The following ANK2 variants were observed in gnomAD, a reference collection of about 807,000 sequenced individuals.
ANK2 encodes ankyrin-2.
Under a neutral mutation model 360.5 loss-of-function variants are expected in ANK2, and 83 were observed. The ratio of observed to expected loss-of-function variants is 0.23; its 90% CI spans 0.19 to 0.28. ANK2 has a LOEUF of 0.28. Ranked by LOEUF, ANK2 falls within the 10% of genes least tolerant of loss-of-function variation. The probability of loss-of-function intolerance (pLI) is 1.00; values close to 1 mark genes in which losing one functional copy is unlikely to be tolerated. For synonymous variants in ANK2, 1,740 were observed against 1,759.5 expected (o/e 0.99, Z 0.28); for missense variants, 4,201 against 4,795.7 (o/e 0.88, Z 3.66).
chr4:113,213,957 T>TA (rs1554280408), intron 4 of ANK2: 11,946 of 473,080 alleles, frequency 0.025, 1,017 homozygotes, highest in South Asian at 0.036. Flanking sequence ...TTTTATTTAT[T>TA]TTTTTTTTTT....
At chr4:113,012,543 C>T (rs749749896) in intron 2 of ANK2, among the ~76,000 whole-genome samples, 4 of 152,120 alleles carry the variant, frequency 2.6e-5, no homozygotes, top group Non-Finnish European at 4.4e-5. Context: ...CTAGTGCCTG[C>T]GGTGTTTCAA....
intron 2 of ANK2, among the ~76,000 whole-genome samples, chr4:112,984,700 A>G (rs2044268233): frequency 6.6e-6 from 1 of 152,230 alleles, no homozygotes; most frequent in Non-Finnish European, 1.5e-5. Context: ...ATGGATGTGT[A>G]GAGCCACAGA....
intron 2 of ANK2, among the ~76,000 whole-genome samples, chr4:113,182,919 G>A (rs2098445938): frequency 6.6e-6 from 1 of 152,164 alleles, no homozygotes. Context: ...GCTTTGTTTT[G>A]TTGATGGAAA....
chr4:112,915,830 C>T (rs1298242222), intron 2 of ANK2, among the ~76,000 whole-genome samples: 1 of 150,908 alleles, frequency 6.6e-6, no homozygotes, highest in Non-Finnish European at 1.5e-5. Flanking sequence ...CTTGAGTTTG[C>T]TTTCATTATT....
At chr4:112,923,977 A>G (rs947337080) in intron 2 of ANK2, among the ~76,000 whole-genome samples, 1 of 152,198 alleles carries the variant, frequency 6.6e-6, no homozygotes, top group African/African-American at 2.4e-5. Context: ...TAAAAAATGA[A>G]GAATGATATA....
At chr4:113,043,138 A>G (rs1047356151) in intron 2 of ANK2, among the ~76,000 whole-genome samples, 1 of 152,150 alleles carries the variant, frequency 6.6e-6, no homozygotes, top group African/African-American at 2.4e-5. Flanking sequence ...GGTGAGAGGA[A>G]CAAAAGGATC....
intron 2 of ANK2, among the ~76,000 whole-genome samples, chr4:112,942,155 C>G (rs893885864): frequency 6.6e-6 from 1 of 151,972 alleles, no homozygotes; most frequent in African/African-American, 2.4e-5. Flanking sequence ...TTCCCAAGCT[C>G]TGTTATCCAA....
intron 1 of ANK2, among the ~76,000 whole-genome samples, chr4:113,164,924 A>G (rs1203085329): frequency 6.6e-6 from 1 of 152,254 alleles, no homozygotes; most frequent in East Asian, 1.9e-4. Context: ...TAAATAAACT[A>G]CTGTTACCAA....
intron 26 of ANK2, among the ~76,000 whole-genome samples, chr4:113,324,693 G>C (rs1276432050): frequency 6.6e-6 from 1 of 152,166 alleles, no homozygotes; most frequent in Non-Finnish European, 1.5e-5. Context: ...GGGAATTACA[G>C]AGGAGAAAGA....
At position 113,349,225 on chromosome 4, in the gene ANK2, G is replaced by A. The variant is rs148912372; in HGVS notation, c.4404+917G>A. 2.6e-3 allele frequency among the ~76,000 whole-genome samples: 393 copies of A among 152,058 alleles called. 3 individuals are homozygous for A. The highest frequency in any genetic ancestry group is 9.0e-3 in the Admixed American group (138 of 15,262). On this transcript the variant is annotated intron_variant, in intron 36 of 45. Transcript: ENST00000357077. ...TTAAAGCAAATGTGTGTTTGTCTCC[G>A]TTATAAAGATCTGAAAATGCCCAAA...
intron 1 of ANK2, among the ~76,000 whole-genome samples, chr4:113,053,196 G>A (rs1009572683): frequency 6.6e-6 from 1 of 152,084 alleles, no homozygotes. Context: ...ATAGTACCAG[G>A]CCCCCTCCTG....
At chr4:112,971,599 T>A (rs774089243) in intron 2 of ANK2, among the ~76,000 whole-genome samples, 1 of 152,172 alleles carries the variant, frequency 6.6e-6, no homozygotes, top group African/African-American at 2.4e-5. Flanking sequence ...AGGCTAGAAG[T>A]CTTTATGGTT....
chr4:113,288,200 A>G (rs534999243), intron 19 of ANK2, among the ~76,000 whole-genome samples, 188 bp from the exon 20 acceptor site: 1 of 152,206 alleles, frequency 6.6e-6, no homozygotes, highest in Admixed American at 6.5e-5. Context: ...CCCACATCTG[A>G]TCTCTCTTGC....
chr4:112,938,272 T>G (rs1296969820), intron 2 of ANK2, among the ~76,000 whole-genome samples: 1 of 152,184 alleles, frequency 6.6e-6, no homozygotes, highest in Non-Finnish European at 1.5e-5. Flanking sequence ...CCCTGGTGAC[T>G]CATCTTAAGT....
intron 16 of ANK2, 92 bp downstream of exon 16, chr4:113,278,027 A>G: frequency 8.1e-7 from 1 of 1,234,294 alleles, no homozygotes; most frequent in Non-Finnish European, 1.2e-6. Context: ...TCTGAAAGGA[A>G]TGTGAGAGCA....
intron 2 of ANK2, among the ~76,000 whole-genome samples, chr4:113,024,047 C>A (rs1290602316): frequency 6.6e-6 from 1 of 152,056 alleles, no homozygotes; most frequent in African/African-American, 2.4e-5. Context: ...AGGTAGACTT[C>A]AATTTAAACC....
intron 1 of ANK2, among the ~76,000 whole-genome samples, chr4:113,157,440 A>G (rs1296525963): frequency 6.6e-6 from 1 of 152,216 alleles, no homozygotes; most frequent in African/African-American, 2.4e-5. Context: ...GATAATTTTG[A>G]TAGAGATATT....
the ANK2 span, among the ~76,000 whole-genome samples, chr4:112,764,232 T>C: frequency 3.0e-4 from 45 of 152,206 alleles, no homozygotes; most frequent in Non-Finnish European, 1.2e-4. Flanking sequence ...CATGAGCCAC[T>C]GCGCCCGGCC....
intron 1 of ANK2, among the ~76,000 whole-genome samples, chr4:112,895,899 G>A (rs893146087): frequency 6.6e-6 from 1 of 152,232 alleles, no homozygotes; most frequent in Non-Finnish European, 1.5e-5. Context: ...GTGTCAAAGC[G>A]AGAGCATTCA....
Sources: allele counts gnomAD v4.1 joint callset (sites outside exome capture counted in the v4.1 genomes callset), GRCh38; gene constraint gnomAD v4.1.1; transcripts MANE v1.5; gene names NCBI Gene and HGNC (gene_info 2026-07-23, HGNC 2026-07-21).